The following CHM variants were observed in gnomAD, a reference collection of about 807,000 sequenced individuals.
CHM encodes CHM Rab escort protein.
In CHM, 10 loss-of-function variants were observed where a neutral mutation model predicts 49.0. The observed-to-expected ratio is 0.20, with a 90% CI of 0.13 to 0.35. CHM has a LOEUF of 0.35. Ranked by LOEUF, CHM falls within the 10% of genes least tolerant of loss-of-function variation. The pLI is 1.00. For synonymous variants in CHM, 184 were observed against 167.5 expected (o/e 1.10, Z -0.76); for missense variants, 455 against 478.4 (o/e 0.95, Z 0.46).
intron 2 of CHM, among the ~76,000 whole-genome samples, chrX:86,021,149 T>C (rs866804584): frequency 2.2e-5 from 1 of 46,172 alleles, no homozygotes; most frequent in Non-Finnish European, 3.9e-5. Context: ...TATATATATA[T>C]ATATATATAC....
At chrX:85,969,213 C>G in intron 4 of CHM, 1 of 735,110 alleles carries the variant, frequency 1.4e-6, no homozygotes, top group Non-Finnish European at 1.6e-6. Flanking sequence ...AAACAACGTT[C>G]AGTACAATGC....
At chrX:85,952,502 A>T (rs1929798529) in intron 8 of CHM, among the ~76,000 whole-genome samples, 1 of 111,509 alleles carries the variant, frequency 9.0e-6, no homozygotes, top group South Asian at 3.8e-4. Context: ...GAAGGACCCA[A>T]TCCTGGCAGG....
intron 9 of CHM, chrX:85,903,629 G>A (rs757160797): frequency 2.3e-5 from 9 of 385,983 alleles, no homozygotes; most frequent in South Asian, 1.9e-4. Flanking sequence ...AGCAGGAGGA[G>A]GAAAAGGAAG....
At chrX:86,013,302 G>C (rs1020825735) in intron 2 of CHM, among the ~76,000 whole-genome samples, 3 of 111,743 alleles carry the variant, frequency 2.7e-5, no homozygotes, top group African/African-American at 9.7e-5. Context: ...TGAGTGGGCG[G>C]GTCACCTCCA....
intron 8 of CHM, among the ~76,000 whole-genome samples, chrX:85,912,114 T>C (rs763381569): frequency 7.7e-4 from 86 of 111,848 alleles, no homozygotes; most frequent in African/African-American, 2.6e-3. Flanking sequence ...GATTACACTG[T>C]GTATTTATTA....
intron 8 of CHM, among the ~76,000 whole-genome samples, chrX:85,925,335 T>C (rs768193855): frequency 5.4e-4 from 60 of 111,463 alleles, no homozygotes; most frequent in Non-Finnish European, 9.6e-4. Context: ...ATGGAACTTT[T>C]GATGGAAAAG....
intron 2 of CHM, among the ~76,000 whole-genome samples, chrX:86,000,450 T>C (rs1941884888): frequency 1.1e-5 from 1 of 90,636 alleles, no homozygotes; most frequent in African/African-American, 4.3e-5. Flanking sequence ...GTATGGAGGG[T>C]CCTCAAAAAA....
chrX:85,955,477 A>T (rs1269099178), intron 8 of CHM, among the ~76,000 whole-genome samples: 5 of 112,497 alleles, frequency 4.4e-5, no homozygotes, highest in African/African-American at 1.6e-4. Flanking sequence ...CAGTAAACAT[A>T]TGAGAAAAGG....
chrX:85,930,964 T>C (rs1928392108), intron 8 of CHM, among the ~76,000 whole-genome samples: 2 of 111,529 alleles, frequency 1.8e-5, no homozygotes, highest in Admixed American at 1.9e-4. Context: ...GTTTACAAAA[T>C]GATACCATAT....
At chrX:85,982,048 T>C (rs1262240721) in intron 2 of CHM, among the ~76,000 whole-genome samples, 2 of 111,572 alleles carry the variant, frequency 1.8e-5, no homozygotes, top group Non-Finnish European at 3.8e-5. Context: ...AAAAACATCT[T>C]TGGCTCCCTT....
chrX:85,949,628 A>G (rs1254919617), intron 8 of CHM, among the ~76,000 whole-genome samples: 1 of 110,944 alleles, frequency 9.0e-6, no homozygotes, highest in Admixed American at 9.6e-5. Context: ...CTCCCCATTT[A>G]TTCCTACTTT....
intron 9 of CHM, among the ~76,000 whole-genome samples, chrX:85,910,436 T>C (rs1926861550): frequency 9.0e-6 from 1 of 111,624 alleles, no homozygotes; most frequent in African/African-American, 3.2e-5. Context: ...AAAAACACAT[T>C]GCAATTTAGA....
chrX:86,000,286 A>G (rs1248713602), intron 2 of CHM, among the ~76,000 whole-genome samples: 1 of 108,477 alleles, frequency 9.2e-6, no homozygotes, highest in Non-Finnish European at 1.9e-5. Context: ...AAAAAAAAAA[A>G]AGTAAATTTC....
intron 12 of CHM, among the ~76,000 whole-genome samples, chrX:85,891,415 T>A (rs1222031293): frequency 9.0e-6 from 1 of 111,186 alleles, no homozygotes; most frequent in African/African-American, 3.3e-5. Context: ...AGTCCCCCCA[T>A]ATTGTGTGCA....
intron 8 of CHM, among the ~76,000 whole-genome samples, chrX:85,918,143 G>C (rs188944212): frequency 2.2e-3 from 249 of 110,966 alleles, no homozygotes; most frequent in African/African-American, 7.9e-3. Context: ...GAAAGAAAAA[G>C]TCTTGAGAGC....
chrX:85,935,903 T>G (rs1042689220), intron 8 of CHM, among the ~76,000 whole-genome samples: 16 of 112,316 alleles, frequency 1.4e-4, no homozygotes, highest in African/African-American at 5.2e-4. Context: ...AGAGTTCTTT[T>G]TACAAATTAT....
chrX:86,003,563 T>G (rs1320492051), intron 2 of CHM, among the ~76,000 whole-genome samples: 1 of 111,979 alleles, frequency 8.9e-6, no homozygotes, highest in Non-Finnish European at 1.9e-5. Context: ...AGAGAAGACC[T>G]TAAATGACCT....
intron 8 of CHM, among the ~76,000 whole-genome samples, chrX:85,945,945 ATGCC>A (rs947184668): frequency 8.9e-6 from 1 of 112,156 alleles, no homozygotes; most frequent in Non-Finnish European, 1.9e-5. Context: ...CACCCATGTT[ATGCC>A]TAAGCAAAGA....
chrX:85,982,186 C>T (rs1442888699), intron 2 of CHM, among the ~76,000 whole-genome samples: 4 of 111,491 alleles, frequency 3.6e-5, no homozygotes, highest in African/African-American at 6.5e-5. Context: ...AAGAAAGCTA[C>T]TGAAAAACTG....
Sources: gnomAD v4.1 joint callset for allele counts (sites outside exome capture counted in the v4.1 genomes callset) on GRCh38, gnomAD v4.1.1 for gene constraint, MANE v1.5 for transcripts, NCBI Gene and HGNC (gene_info 2026-07-23, HGNC 2026-07-21) for gene names.